Variants in OSBPL10 observed in about 807,000 individuals in gnomAD.
The protein encoded by OSBPL10 is oxysterol binding protein like 10.
A neutral mutation model predicts 81.7 loss-of-function variants in OSBPL10; 49 were observed. That is an observed-to-expected ratio of 0.60 (90% CI 0.48 to 0.76). The LOEUF is 0.76. Ranked by LOEUF, OSBPL10 falls within the 30% of genes least tolerant of loss-of-function variation. The pLI is 0.00. For synonymous variants in OSBPL10, 419 were observed against 383.6 expected (o/e 1.09, Z -1.08); for missense variants, 923 against 987.8 (o/e 0.93, Z 0.88).
chr3:32,018,517 A>G (rs1222715815), intron 2 of OSBPL10, among the ~76,000 whole-genome samples: 3 of 152,332 alleles, frequency 2.0e-5, no homozygotes, highest in Non-Finnish European at 4.4e-5. Context: ...GGGAAACCAC[A>G]CTGGAAAAAA....
intron 2 of OSBPL10, among the ~76,000 whole-genome samples, chr3:32,021,309 C>T (rs1466081247): frequency 2.0e-5 from 3 of 152,184 alleles, no homozygotes; most frequent in African/African-American, 4.8e-5. Context: ...TTTCCAGGAG[C>T]ACAGGCTCAA....
intron 1 of OSBPL10, among the ~76,000 whole-genome samples, chr3:32,053,180 T>G (rs926751464): frequency 2.6e-5 from 4 of 152,152 alleles, no homozygotes; most frequent in Non-Finnish European, 5.9e-5. Flanking sequence ...TTGCTAAGAG[T>G]TAACAGTATA....
At chr3:31,957,665 G>A (rs996501735) in intron 1 of OSBPL10, among the ~76,000 whole-genome samples, 3 of 152,090 alleles carry the variant, frequency 2.0e-5, no homozygotes, top group Non-Finnish European at 2.9e-5. Context: ...GTTTTTTGAG[G>A]AGTCTTGCTC....
At chr3:31,969,322 G>A (rs112261014) in intron 1 of OSBPL10, 4 of 152,508 alleles carry the variant, frequency 2.6e-5, no homozygotes, top group African/African-American at 7.2e-5. Context: ...GACAGGCCAG[G>A]CAAGGAAAGT....
At chr3:31,711,422 T>C (rs1696248563) in intron 6 of OSBPL10, among the ~76,000 whole-genome samples, 3 of 152,226 alleles carry the variant, frequency 2.0e-5, no homozygotes, top group Admixed American at 2.0e-4. Flanking sequence ...TCAGCTTACC[T>C]TAATCGGAAT....
intron 4 of OSBPL10, among the ~76,000 whole-genome samples, chr3:31,748,538 T>C (rs922404537): frequency 2.6e-5 from 4 of 151,816 alleles, no homozygotes; most frequent in Non-Finnish European, 5.9e-5. Context: ...CTTAACTCTT[T>C]GCTAGTCCTG....
At chr3:31,917,581 T>C (rs1696795234) in intron 1 of OSBPL10, among the ~76,000 whole-genome samples, 1 of 150,938 alleles carries the variant, frequency 6.6e-6, no homozygotes, top group South Asian at 2.1e-4. Flanking sequence ...TCTGAACCTA[T>C]TCTGGTTCTG....
intron 3 of OSBPL10, among the ~76,000 whole-genome samples, chr3:31,836,893 G>A (rs1700368541): frequency 6.6e-6 from 1 of 152,114 alleles, no homozygotes; most frequent in Non-Finnish European, 1.5e-5. Flanking sequence ...TCAATTCACT[G>A]CATTTCTCAT....
At chr3:31,982,450 A>C (rs759072560), upstream of OSBPL10, among the ~76,000 whole-genome samples, 28 of 152,170 alleles carry the variant, frequency 1.8e-4, no homozygotes, top group Non-Finnish European at 3.7e-4. Flanking sequence ...AAATACTTCA[A>C]GAGTTAAAAA....
chr3:31,856,751 A>G (rs1456544073), intron 3 of OSBPL10, among the ~76,000 whole-genome samples: 1 of 152,206 alleles, frequency 6.6e-6, no homozygotes, highest in African/African-American at 2.4e-5. Flanking sequence ...GTACGAGTTG[A>G]ATGTAAGATA....
chr3:31,869,437 A>G (rs539346633), intron 3 of OSBPL10, among the ~76,000 whole-genome samples: 6 of 152,334 alleles, frequency 3.9e-5, no homozygotes, highest in African/African-American at 1.2e-4. Context: ...TAATAAGCTT[A>G]CATCCCCCAA....
rs7629015 is a variant in OSBPL10, at chr3:32,068,419, C to A, written n.185+8977G>T. On this transcript the variant is annotated intron_variant and non_coding_transcript_variant, in intron 1 of 3. Coordinates refer to the OSBPL10 transcript ENST00000479173. ...CAGCCCAGGGCTGCTCCCCACCCCC[C>A]TTCTCCGTGTCTCTACCCTTCTCTT... 7.4e-5 allele frequency among the ~76,000 whole-genome samples: 11 copies of A among 147,922 alleles called. No homozygotes were observed. In the South Asian group the frequency reaches 1.9e-3, roughly 26 times the overall value.
chr3:32,058,744 T>C (rs1233582201), intron 1 of OSBPL10, among the ~76,000 whole-genome samples: 1 of 152,218 alleles, frequency 6.6e-6, no homozygotes, highest in Non-Finnish European at 1.5e-5. Context: ...CATAGCTTAC[T>C]GCAGCCTTGA....
At chr3:31,739,690 C>T (rs1697280739) in intron 5 of OSBPL10, among the ~76,000 whole-genome samples, 1 of 152,108 alleles carries the variant, frequency 6.6e-6, no homozygotes, top group African/African-American at 2.4e-5. Context: ...AGAGAGCCCT[C>T]ACCAGAAACT....
At chr3:31,956,109 G>C (rs1698000290) in intron 1 of OSBPL10, among the ~76,000 whole-genome samples, 1 of 152,128 alleles carries the variant, frequency 6.6e-6, no homozygotes, top group Non-Finnish European at 1.5e-5. Flanking sequence ...ATAAATCCCT[G>C]GCTACTTAGA....
At chr3:31,695,993 A>T (rs1354862964) in intron 7 of OSBPL10, among the ~76,000 whole-genome samples, 1 of 152,198 alleles carries the variant, frequency 6.6e-6, no homozygotes, top group Non-Finnish European at 1.5e-5. Flanking sequence ...AGGTACAATT[A>T]TCAACCTCCT....
At chr3:31,890,093 A>G (rs1316763162) in intron 1 of OSBPL10, among the ~76,000 whole-genome samples, 1 of 151,706 alleles carries the variant, frequency 6.6e-6, no homozygotes, top group African/African-American at 2.4e-5. Flanking sequence ...AATTTCAAGA[A>G]GTTTTCCAAG....
chr3:31,988,232 C>T (rs1240815216), intron 2 of OSBPL10, among the ~76,000 whole-genome samples: 1 of 152,172 alleles, frequency 6.6e-6, no homozygotes, highest in Non-Finnish European at 1.5e-5. Context: ...TTTAGTTTCA[C>T]AGATCAGAGG....
At chr3:31,694,635 T>G (rs1221727620) in intron 7 of OSBPL10, among the ~76,000 whole-genome samples, 1 of 152,176 alleles carries the variant, frequency 6.6e-6, no homozygotes, top group African/African-American at 2.4e-5. Context: ...TGTTGCTGAT[T>G]TAGAAGGTCT....
Sources: allele counts gnomAD v4.1 joint callset (sites outside exome capture counted in the v4.1 genomes callset), GRCh38; gene constraint gnomAD v4.1.1; transcripts MANE v1.5; gene names NCBI Gene and HGNC (gene_info 2026-07-23, HGNC 2026-07-21).